PCDHGB1: variants seen among roughly 807,000 people sequenced by gnomAD.
The protein encoded by PCDHGB1 is protocadherin gamma subfamily B, 1, also known as protocadherin gamma-B1.
A neutral mutation model predicts 56.6 loss-of-function variants in PCDHGB1; 34 were observed. The observed-to-expected ratio is 0.60, with a 90% CI of 0.46 to 0.80. The LOEUF is 0.80. PCDHGB1 is among the 30% of genes least tolerant of loss of function. The pLI is 0.00. For synonymous variants in PCDHGB1, 561 were observed against 505.9 expected (o/e 1.11, Z -1.46); for missense variants, 1,278 against 1,204.6 (o/e 1.06, Z -0.90).
chr5:141,371,078 C>T lies in PCDHGB1; in HGVS notation c.2409+18409C>T, dbSNP rs776361776. Reference sequence around the variant, plus strand: ...CCTCCAGAAGCTGTACCACCCAGATCAGGGTAATTGTCGCAGATGCAAATG... The same window carrying T: ...CCTCCAGAAGCTGTACCACCCAGATTAGGGTAATTGTCGCAGATGCAAATG... On this transcript the variant is annotated intron_variant, in intron 1 of 3. Transcript: ENST00000523390. 1.9e-6 allele frequency: 3 copies of T among 1,613,770 alleles called. No homozygotes were observed. In the African/African-American group the frequency reaches 4.0e-5, roughly 22 times the overall value.
chr5:141,357,216 G>C, intron 1 of PCDHGB1: 1 of 1,613,840 alleles, frequency 6.2e-7, no homozygotes, highest in Non-Finnish European at 8.5e-7. Flanking sequence ...CAGATGTCCT[G>C]GCTGACTTGG....
chr5:141,423,170 A>G, intron 1 of PCDHGB1: 8 of 1,613,504 alleles, frequency 5.0e-6, no homozygotes, highest in Non-Finnish European at 6.8e-6. Context: ...GTGGCCGTCC[A>G]GGACCACGGC....
At position 141,491,640 on chromosome 5, in the gene PCDHGB1, T is replaced by A; in HGVS notation, c.2410-3167T>A. 6.2e-7 allele frequency: 1 copy of A among 1,613,804 alleles called. No homozygotes were observed. Among genetic ancestry groups the A allele is most frequent in the South Asian group, 1.1e-5 (1 of 91,086 alleles). On this transcript the variant is annotated intron_variant, in intron 1 of 3. Coordinates refer to ENST00000523390, the MANE Select transcript of PCDHGB1 (RefSeq NM_018922.3). This position sits in a 1 kb window ranked among gnomAD's most constrained non-coding sequence, Gnocchi z 6.9. ...CCCTCAGCGTTCAGCAGCCCACAGC[T>A]CTGGCGCTGGAGCCTGACGCCATCC...
chr5:141,366,535 G>A (rs1463456881), intron 1 of PCDHGB1: 1 of 1,614,144 alleles, frequency 6.2e-7, no homozygotes, highest in Non-Finnish European at 8.5e-7. Flanking sequence ...TGGCGGGTGT[G>A]CCCGCCTCGC....
chr5:141,407,949 C>T, intron 1 of PCDHGB1: 1 of 575,256 alleles, frequency 1.7e-6, no homozygotes, highest in Non-Finnish European at 2.8e-6. Context: ...CCGCTGTCGG[C>T]CAGTGCAGAG....
rs2097527384 is a variant in PCDHGB1 at position 141,432,674 on chromosome 5, A to G, written c.2410-62133A>G. 2 of 1,613,856 alleles carry G rather than the reference A, an allele frequency of 1.2e-6. No homozygotes were observed. The highest frequency in any genetic ancestry group is 4.5e-5 in the East Asian group (2 of 44,840). On this transcript the variant is annotated intron_variant, in intron 1 of 3. Coordinates refer to ENST00000523390, the MANE Select transcript of PCDHGB1 (RefSeq NM_018922.3). The surrounding 1 kb of genome is among the most constrained non-coding windows in gnomAD (Gnocchi z 6.0). ...AGCCCTGCTGGACAGAGACGCGCTCAAGCAGAGCCTCGTAGTGGCCGTCCA... is the reference window on the plus strand; with the variant it reads ...AGCCCTGCTGGACAGAGACGCGCTCGAGCAGAGCCTCGTAGTGGCCGTCCA...
rs2099624499 is a variant in PCDHGB1, at chr5:141,486,100, C to A, written c.2410-8707C>A. The A allele has an allele frequency of 6.2e-7, 1 of 1,614,072 alleles. No homozygotes were observed. The highest frequency in any genetic ancestry group is 1.3e-5 in the African/African-American group (1 of 74,930). ...AGCTTACTCTTTTGGGGCCCCTAGA[C>A]TTTGAGAGTGAGAATTACTATGAAT... On this transcript the variant is annotated intron_variant, in intron 1 of 3. Coordinates refer to ENST00000523390, the MANE Select transcript of PCDHGB1 (RefSeq NM_018922.3). This position sits in a 1 kb window ranked among gnomAD's most constrained non-coding sequence, Gnocchi z 5.0.
In PCDHGB1 at chr5:141,433,322, T is replaced by A. The variant is rs907709272; in HGVS notation, c.2410-61485T>A. On this transcript the variant is annotated intron_variant, in intron 1 of 3. Transcript: ENST00000523390. ...AATTATCCCACCTTTGCCTCCGGTGTAACAGGGACTACAGGTGCAAGCCAC... is the reference window on the plus strand; with the variant it reads ...AATTATCCCACCTTTGCCTCCGGTGAAACAGGGACTACAGGTGCAAGCCAC... The A allele has an allele frequency of 5.3e-6, 4 of 760,298 alleles. No homozygotes were observed. In the African/African-American group the frequency reaches 7.1e-5, roughly 13 times the overall value. The allele number at this position is 760,298 out of a possible 1,614,324, so 47.1% of individuals were successfully genotyped here.
intron 2 of PCDHGB1, among the ~76,000 whole-genome samples, chr5:141,497,332 A>G (rs537994715): frequency 6.6e-6 from 1 of 152,024 alleles, no homozygotes; most frequent in Non-Finnish European, 1.5e-5. Context: ...AGAATTCACC[A>G]TTGAACCTGG....
chr5:141,474,325 C>A (rs540113771), intron 1 of PCDHGB1, among the ~76,000 whole-genome samples: 1 of 152,256 alleles, frequency 6.6e-6, no homozygotes, highest in Admixed American at 6.5e-5. Context: ...TTTCAAATCA[C>A]CCTGATGTTT....
intron 1 of PCDHGB1, chr5:141,370,545 G>T (rs768607566): frequency 6.2e-7 from 1 of 1,613,866 alleles, no homozygotes; most frequent in Non-Finnish European, 8.5e-7. Flanking sequence ...AGGGAACCTC[G>T]CCAAGGACCT....
At chr5:141,474,212 C>T (rs892802269) in intron 1 of PCDHGB1, among the ~76,000 whole-genome samples, 5 of 152,078 alleles carry the variant, frequency 3.3e-5, no homozygotes, top group African/African-American at 1.2e-4. Flanking sequence ...TTTCAAAAAC[C>T]AGATTGTGAA....
At position 141,371,931 on chromosome 5, in the gene PCDHGB1, G is replaced by A. The variant is rs934034667; in HGVS notation, c.2409+19262G>A. 21 of 1,613,254 alleles carry A rather than the reference G, an allele frequency of 1.3e-5. No homozygotes were observed. The Middle Eastern group carries it at 4.9e-4, about 38-fold the overall frequency. ...CGTGTCCGTGAGCGCGCGGAGCGGG[G>A]TGGTGTTCGCGCAGCGAGCCTTCGA... On this transcript the variant is annotated intron_variant, in intron 1 of 3. Transcript: ENST00000523390.
In PCDHGB1 at chr5:141,454,516, C is replaced by T. The variant is rs375583922; in HGVS notation, c.2410-40291C>T. On this transcript the variant is annotated intron_variant, in intron 1 of 3. Coordinates refer to ENST00000523390, the MANE Select transcript of PCDHGB1 (RefSeq NM_018922.3). Reference sequence around the variant, plus strand: ...CCACCTCCTGGATTCAGGCAGTTCTCCTGCCTCAGCCTCCCAAGTAGCTGA... The same window carrying T: ...CCACCTCCTGGATTCAGGCAGTTCTTCTGCCTCAGCCTCCCAAGTAGCTGA... Among the ~76,000 whole-genome samples the T allele has an allele frequency of 1.2e-4, 18 of 152,288 alleles. No individual in the cohort carries two copies. In the East Asian group the frequency reaches 3.1e-3, roughly 26 times the overall value.
intron 1 of PCDHGB1, among the ~76,000 whole-genome samples, chr5:141,433,837 C>CA (rs56191208): frequency 0.14 from 15,134 of 111,544 alleles, 1,164 homozygotes; most frequent in African/African-American, 0.25. Context: ...AACTCTATCT[C>CA]AAAAAAAAAA....
At position 141,418,812 on chromosome 5, in the gene PCDHGB1, A is replaced by T. The variant is rs761899929; in HGVS notation, c.2409+66143A>T. 4 of 1,613,914 alleles carry T rather than the reference A, an allele frequency of 2.5e-6. No individual in the cohort carries two copies. In the South Asian group the frequency reaches 4.4e-5, roughly 18 times the overall value. On this transcript the variant is annotated intron_variant, in intron 1 of 3. Transcript: ENST00000523390. ...GAAGAAGTAGAAAGATATACGATAA[A>T]CATAGAAGCAAAAGACCGAGGATCT... is the stretch of plus-strand genomic sequence containing the variant.
In PCDHGB1 at chr5:141,350,807, C is replaced by T. The variant is rs541672672; in HGVS notation, c.547C>T (p.Pro183Ser). 2 of 1,613,974 alleles carry T rather than the reference C, an allele frequency of 1.2e-6. No individual in the cohort carries two copies. The highest frequency in any genetic ancestry group is 2.2e-5 in the East Asian group (1 of 44,882). ...QYFSLSTKES[P>S]DGSKYPVLLL... ...CTTCTCTCTGTCAACGAAGGAAAGTCCTGATGGAAGTAAATATCCGGTATT... is the reference window on the plus strand; with the variant it reads ...CTTCTCTCTGTCAACGAAGGAAAGTTCTGATGGAAGTAAATATCCGGTATT... Residue 183 changes from proline (P) to serine (S), a missense_variant, in exon 1 of 4, where the codon CCT becomes TCT. Transcript: ENST00000523390.
intron 1 of PCDHGB1, chr5:141,403,695 G>A (rs376074779): frequency 6.2e-7 from 1 of 1,613,780 alleles, no homozygotes; most frequent in Non-Finnish European, 8.5e-7. Flanking sequence ...CGGATTTACC[G>A]AGTTAAAGTC....
intron 1 of PCDHGB1, chr5:141,427,649 C>T (rs1283312654): frequency 1.4e-6 from 1 of 717,274 alleles, no homozygotes; most frequent in East Asian, 2.7e-5. Context: ...AAGTCTCCTA[C>T]GTGGTCCACG....
Sources: allele counts gnomAD v4.1 joint callset (sites outside exome capture counted in the v4.1 genomes callset), GRCh38; gene constraint gnomAD v4.1.1; non-coding constraint Gnocchi (gnomAD v3.1); transcripts MANE v1.5; gene names NCBI Gene and HGNC (gene_info 2026-07-23, HGNC 2026-07-21).